CD180: variants seen among roughly 807,000 people sequenced by gnomAD.
CD180 encodes the protein CD180 antigen.
In CD180, 11 loss-of-function variants were observed where a neutral mutation model predicts 10.7. That is an observed-to-expected ratio of 1.03 (90% CI 0.65 to 1.70). The LOEUF is 1.70. Ranked by LOEUF, CD180 falls within the 40% of genes most tolerant of loss-of-function variation. CD180 has a pLI of 0.00. For missense variants in CD180, 729 were observed against 775.2 expected (o/e 0.94, Z 0.71); for synonymous variants, 286 against 294.6 (o/e 0.97, Z 0.30).
Position 67,184,537 on chromosome 5 carries a change from T to C in CD180, c.306A>G (p.Gln102=). Residue 102 remains glutamine (Q), a synonymous_variant, in exon 3 of 3, where the codon CAA becomes CAG. Transcript: ENST00000256447. The part of the protein sequence containing the change: ...IHEDTFQSHH[Q]LSTLVLTGNP... Reference sequence around the variant, plus strand: ...TTCCAGTTAACACAAGTGTGCTTAATTGATGATGGCTTTGAAAAGTGTCTT... The same window carrying C: ...TTCCAGTTAACACAAGTGTGCTTAACTGATGATGGCTTTGAAAAGTGTCTT... The C allele has an allele frequency of 1.2e-6, 2 of 1,607,616 alleles. No individual in the cohort carries two copies. Among genetic ancestry groups the C allele is most frequent in the Non-Finnish European group, 1.7e-6 (2 of 1,174,344 alleles).
chr5:67,186,092 T>C, intron 1 of CD180, 75 bp from the exon 2 acceptor site: 2 of 972,938 alleles, frequency 2.1e-6, no homozygotes, highest in Non-Finnish European at 3.0e-6. Context: ...TATATATGTT[T>C]TACCTTCCGA....
At chr5:67,186,052 TTAA>T in intron 1 of CD180, 35 bp from the exon 2 acceptor site, 1 of 1,346,490 alleles carries the variant, frequency 7.4e-7, no homozygotes, top group Non-Finnish European at 1.0e-6. Context: ...AATATTAGAC[TTAA>T]TAATTTTATA....
chr5:67,180,985 C>A lies in CD180; in HGVS notation c.*1872G>T, dbSNP rs1742037320. ...TAGCACTCCAGCCTGGGCGACAGAG[C>A]AAGAATCAGTCTCAAAAAAAAAATT... On this transcript the variant is annotated 3_prime_UTR_variant, in exon 3 of 3. Coordinates refer to ENST00000256447, the MANE Select transcript of CD180 (RefSeq NM_005582.3). 6.7e-6 allele frequency: 1 copy of A among 148,982 alleles called. No individual in the cohort carries two copies. The highest frequency in any genetic ancestry group is 2.1e-4 in the South Asian group (1 of 4,756). The allele number at this position is 148,982 out of a possible 1,614,324, so 9.2% of individuals were successfully genotyped here. A position where few individuals can be genotyped will look rare whatever the true frequency, so the allele number is the denominator to read the frequency against.
At chr5:67,193,135 C>A (rs960780435) in intron 1 of CD180, among the ~76,000 whole-genome samples, 2 of 152,200 alleles carry the variant, frequency 1.3e-5, no homozygotes, top group Non-Finnish European at 2.9e-5. Flanking sequence ...CCTCAGTTTG[C>A]GAACTGTTCA....
chr5:67,193,118 C>T (rs1272348506), intron 1 of CD180, among the ~76,000 whole-genome samples: 1 of 152,216 alleles, frequency 6.6e-6, no homozygotes, highest in African/African-American at 2.4e-5. Context: ...TGCCAAAGGC[C>T]GTGTCTCCTC....
At chr5:67,185,329 G>A (rs3797587) in intron 2 of CD180, among the ~76,000 whole-genome samples, 11,881 of 106,330 alleles carry the variant, frequency 0.11, 1,368 homozygotes, top group African/African-American at 0.34. Context: ...ACACACACAC[G>A]CAGTATAGCC....
rs749579255 is a variant in CD180 at position 67,196,669 on chromosome 5, A to G, written c.-28T>C. On this transcript the variant is annotated 5_prime_UTR_variant, in exon 1 of 3. Transcript: ENST00000256447. ...CAGGCTAGGATTGCTTGGTGGGTTT[A>G]CCTAATGCTTGGAGCTGAGAAATGG... The G allele has an allele frequency of 1.9e-6, 3 of 1,613,728 alleles. No homozygotes were observed. The highest frequency in any genetic ancestry group is 2.5e-6 in the Non-Finnish European group (3 of 1,179,826).
At chr5:67,194,161 C>T (rs553469449) in intron 1 of CD180, among the ~76,000 whole-genome samples, 1 of 152,316 alleles carries the variant, frequency 6.6e-6, no homozygotes, top group East Asian at 1.9e-4. Flanking sequence ...TTAGTTTATA[C>T]TTTAACCTTA....
In CD180 at chr5:67,182,823, C is replaced by G; in HGVS notation, c.*34G>C. On this transcript the variant is annotated 3_prime_UTR_variant, in exon 3 of 3. Coordinates refer to ENST00000256447, the MANE Select transcript of CD180 (RefSeq NM_005582.3). ...TTTCACTTAGAGCAATTTTGCTAAG[C>G]ACACTTATTTGCTTTCTCTGGAAAC... 6 of 1,540,072 alleles carry G rather than the reference C, an allele frequency of 3.9e-6. No individual in the cohort carries two copies. The highest frequency in any genetic ancestry group is 5.2e-6 in the Non-Finnish European group (6 of 1,143,796).
intron 1 of CD180, among the ~76,000 whole-genome samples, chr5:67,189,911 A>C (rs1742269051): frequency 1.3e-5 from 2 of 152,356 alleles, no homozygotes; most frequent in South Asian, 4.1e-4. Flanking sequence ...CCATTATGAA[A>C]TTCAAGATAT....
At position 67,181,823 on chromosome 5, in the gene CD180, A is replaced by C. The variant is rs1462852650; in HGVS notation, c.*1034T>G. 6.6e-6 allele frequency: 1 copy of C among 152,238 alleles called. No homozygotes were observed. Among genetic ancestry groups the C allele is most frequent in the Non-Finnish European group, 1.5e-5 (1 of 68,048 alleles). The allele number at this position is 152,238 out of a possible 1,614,324, so 9.4% of individuals were successfully genotyped here. ...TGGTGTGACCTTTGGTGACATCCCC[A>C]GCCTCAACAGAAACCACTTCTCACT... On this transcript the variant is annotated 3_prime_UTR_variant, in exon 3 of 3. Coordinates refer to ENST00000256447, the MANE Select transcript of CD180 (RefSeq NM_005582.3).
rs2151165408 is a variant in CD180, at chr5:67,183,793, G to C, written c.1050C>G (p.Leu350=). 1 of 1,614,164 alleles carries C rather than the reference G, an allele frequency of 6.2e-7. No individual in the cohort carries two copies. The highest frequency in any genetic ancestry group is 1.6e-4 in the Middle Eastern group (1 of 6,062). The change falls in exon 3 of 3, where the codon CTC becomes CTG. Residue 350 remains leucine, a synonymous_variant. Transcript: ENST00000256447. Reference sequence around the variant, plus strand: ...GTTTCTTCACGTTGCCTCTGATGTAGAGGTGTGTAAGGGAGGGGAAATTGG... The same window carrying C: ...GTTTCTTCACGTTGCCTCTGATGTACAGGTGTGTAAGGGAGGGGAAATTGG... The part of the protein sequence containing the change: ...SAANFPSLTH[L]YIRGNVKKLH...
rs1295662855 is a variant in CD180, at chr5:67,196,760, C to T, written c.-119G>A. The T allele has an allele frequency of 3.8e-6, 3 of 795,938 alleles. No individual in the cohort carries two copies. Among genetic ancestry groups the T allele is most frequent in the Non-Finnish European group, 5.3e-6 (3 of 567,814 alleles). The allele number at this position is 795,938 out of a possible 1,614,324, so 49.3% of individuals were successfully genotyped here. A position where few individuals can be genotyped will look rare whatever the true frequency, so the allele number is the denominator to read the frequency against. On this transcript the variant is annotated 5_prime_UTR_variant, in exon 1 of 3. Coordinates refer to ENST00000256447, the MANE Select transcript of CD180 (RefSeq NM_005582.3). ...GGTACTCAGAAGGGTGATCTTGGAA[C>T]AAGAAATGCTGTTGACTGCTCAGCA...
Position 67,181,830 on chromosome 5 carries a change from A to G in CD180, c.*1027T>C, listed in dbSNP as rs879796252. ...ACCTTTGGTGACATCCCCAGCCTCAACAGAAACCACTTCTCACTAAGCCAG... is the reference window on the plus strand; with the variant it reads ...ACCTTTGGTGACATCCCCAGCCTCAGCAGAAACCACTTCTCACTAAGCCAG... On this transcript the variant is annotated 3_prime_UTR_variant, in exon 3 of 3. Transcript: ENST00000256447. 49 of 152,340 alleles carry G rather than the reference A, an allele frequency of 3.2e-4. No individual in the cohort carries two copies. The highest frequency in any genetic ancestry group is 1.1e-3 in the African/African-American group (46 of 41,576). 9.4% of individuals were successfully genotyped at this position (152,340 alleles called of 1,614,324 possible). A position where few individuals can be genotyped will look rare whatever the true frequency, so the allele number is the denominator to read the frequency against.
chr5:67,185,620 A>T (rs1318475490), intron 2 of CD180, among the ~76,000 whole-genome samples: 2 of 152,158 alleles, frequency 1.3e-5, no homozygotes, highest in Non-Finnish European at 2.9e-5. Flanking sequence ...AACTGCTTCA[A>T]CAGTGCTATT....
chr5:67,186,315 A>G (rs1280814728), intron 1 of CD180: 3 of 191,322 alleles, frequency 1.6e-5, no homozygotes, highest in Non-Finnish European at 3.2e-5. Context: ...CCCTCCATAT[A>G]TTGATATGGA....
At chr5:67,195,536 T>C (rs988421412) in intron 1 of CD180, among the ~76,000 whole-genome samples, 1 of 152,220 alleles carries the variant, frequency 6.6e-6, no homozygotes, top group African/African-American at 2.4e-5. Flanking sequence ...GCATTTGTTA[T>C]GACAGCCCAA....
chr5:67,186,116 T>C (rs1352458431), intron 1 of CD180, 99 bp from the exon 2 acceptor site: 1 of 725,480 alleles, frequency 1.4e-6, no homozygotes, highest in Non-Finnish European at 2.1e-6. Context: ...GCAATCGTAC[T>C]TCTAGTAATC....
rs1366208419 is a variant in CD180, at chr5:67,196,618, G to GA, written c.23dup (p.Phe9LeufsTer11). 6.2e-7 allele frequency: 1 copy of GA among 1,613,874 alleles called. No individual in the cohort carries two copies. The highest frequency in any genetic ancestry group is 1.3e-5 in the African/African-American group (1 of 74,868). On this transcript the variant is annotated frameshift_variant, in exon 1 of 3. Transcript: ENST00000256447. LOFTEE classifies it high-confidence loss of function. ...CGGCAGAAAACAGCACCACCCAAAAGAAGCAGCTGACGTCAAACGCCATCA... is the reference window on the plus strand; with the variant it reads ...CGGCAGAAAACAGCACCACCCAAAAGAAAGCAGCTGACGTCAAACGCCATCA...
Sources: gnomAD v4.1 joint callset for allele counts (sites outside exome capture counted in the v4.1 genomes callset) on GRCh38, gnomAD v4.1.1 for gene constraint, MANE v1.5 for transcripts, NCBI Gene and HGNC (gene_info 2026-07-23, HGNC 2026-07-21) for gene names.